Variants in PEG3 observed in about 807,000 individuals in gnomAD.
The protein encoded by PEG3 is paternally-expressed gene 3 protein.
Under a neutral mutation model 35.5 loss-of-function variants are expected in PEG3, and 23 were observed. The observed-to-expected ratio is 0.65, with a 90% confidence interval of 0.47 to 0.92. The LOEUF is 0.92. Ranked by LOEUF, PEG3 falls within the 40% of genes least tolerant of loss-of-function variation. The pLI is 0.00. For synonymous variants in PEG3, 707 were observed against 697.0 expected (o/e 1.01, Z -0.23); for missense variants, 1,960 against 1,985.3 (o/e 0.99, Z 0.24).
intron 2 of PEG3, among the ~76,000 whole-genome samples, chr19:56,828,910 T>C (rs933853550): frequency 2.0e-5 from 3 of 152,188 alleles, no homozygotes; most frequent in African/African-American, 7.2e-5. Flanking sequence ...AGCTAGCTGG[T>C]GCAGGCATGA....
intron 5 of PEG3, among the ~76,000 whole-genome samples, chr19:56,823,386 G>A (rs2060691645): frequency 6.6e-6 from 1 of 152,158 alleles, no homozygotes; most frequent in East Asian, 1.9e-4. Flanking sequence ...GAATAAAACG[G>A]TATTAAGTAT....
chr19:56,822,026 A>C (rs955750726), intron 6 of PEG3, among the ~76,000 whole-genome samples: 6 of 152,104 alleles, frequency 3.9e-5, no homozygotes, highest in African/African-American at 9.7e-5. Flanking sequence ...GTGTGGGTCC[A>C]GGTACAGTGT....
Position 56,813,505 on chromosome 19 carries a change from A to C in PEG3, c.*170T>G. 7.0e-7 allele frequency: 1 copy of C among 1,428,108 alleles called. No individual in the cohort carries two copies. 88.5% of individuals were successfully genotyped at this position (1,428,108 alleles called of 1,614,324 possible). A position where few individuals can be genotyped will look rare whatever the true frequency, so the allele number is the denominator to read the frequency against. On this transcript the variant is annotated 3_prime_UTR_variant, in exon 10 of 10. Transcript: ENST00000326441. ...TGAAGGGGAAAGCTTAAGACTGTGG[A>C]ATCTGCACATTCGGTCTCTTTTCAA...
rs1341905698 is a variant in PEG3, at chr19:56,821,728, G to A, written c.592C>T (p.Pro198Ser). 1 of 1,614,064 alleles carries A rather than the reference G, an allele frequency of 6.2e-7. No individual in the cohort carries two copies. Among genetic ancestry groups the A allele is most frequent in the Non-Finnish European group, 8.5e-7 (1 of 1,180,024 alleles). The change falls in exon 7 of 10, where the codon CCT (proline) becomes TCT (serine). Residue 198 changes from proline (P) to serine (S), a missense_variant. By Grantham distance (74) the Pro-to-Ser change is moderately conservative. Around this residue, in one of 5 missense-constraint regions of PEG3, gnomAD observed 613 missense variants for 577.1 expected, o/e 1.06. Transcript: ENST00000326441. Reference sequence around the variant, plus strand: ...TCAAAGCTTGTTTTCGCCACCACAGGAAGGGAAAGATCCCGCGGAGGCATC... The same window carrying A: ...TCAAAGCTTGTTTTCGCCACCACAGAAAGGGAAAGATCCCGCGGAGGCATC... ...SRMPPRDLSLPVVAKTSFEMD... is the reference protein window; with the variant it reads ...SRMPPRDLSLSVVAKTSFEMD...
rs747893977 is a variant in PEG3, at chr19:56,817,816, A to G, written c.792T>C (p.Asp264=). Residue 264 remains aspartate, a synonymous_variant, in exon 9 of 10, where the codon GAT becomes GAC. Transcript: ENST00000326441. ...GGCCCTGCGTCATGTGGGAGTGGCCATCGTCTTCAGCAAGCTGCACTCCTG... is the reference window on the plus strand; with the variant it reads ...GGCCCTGCGTCATGTGGGAGTGGCCGTCGTCTTCAGCAAGCTGCACTCCTG... The part of the protein sequence containing the change: ...LLSLVQLAED[D]GHSHMTQGHS... 1.2e-6 allele frequency: 2 copies of G among 1,614,036 alleles called. No homozygotes were observed. The highest frequency in any genetic ancestry group is 1.7e-6 in the Non-Finnish European group (2 of 1,179,998).
At chr19:56,821,563 C>T in intron 7 of PEG3, 88 bp downstream of exon 7, 1 of 1,510,794 alleles carries the variant, frequency 6.6e-7, no homozygotes, top group Non-Finnish European at 9.1e-7. Flanking sequence ...CTCTAGGGGG[C>T]AGATAAACAC....
chr19:56,835,973 A>C (rs749343969), intron 2 of PEG3, 45 bp downstream of exon 2: 1 of 498,656 alleles, frequency 2.0e-6, no homozygotes, highest in African/African-American at 1.9e-5. Flanking sequence ...TGCGGTGGTC[A>C]CTCCAAAGAT....
intron 2 of PEG3, among the ~76,000 whole-genome samples, chr19:56,827,710 A>T (rs1247943433): frequency 6.6e-6 from 1 of 152,214 alleles, no homozygotes; most frequent in African/African-American, 2.4e-5. Context: ...AATAGACAAG[A>T]TATGTTATGT....
Position 56,817,381 on chromosome 19 carries a change from A to C in PEG3, c.1061T>G (p.Leu354Trp). The C allele has an allele frequency of 6.2e-7, 1 of 1,613,984 alleles. No individual in the cohort carries two copies. The highest frequency in any genetic ancestry group is 8.5e-7 in the Non-Finnish European group (1 of 1,179,914). ...CTGGATCACTGACTCCCTCTTGTTC[A>C]ATGAAATGTCCTTCCAGTTATCATC... ...MSDDNWKDIS[L>W]NKRESVIQQR... Residue 354 changes from leucine to tryptophan, a missense_variant, in exon 10 of 10, where the codon TTG becomes TGG. Leu to Trp is a moderately conservative substitution (Grantham distance 61, BLOSUM62 -2). Transcript: ENST00000326441.
At position 56,815,360 on chromosome 19, in the gene PEG3, G is replaced by A. The variant is rs1391571872; in HGVS notation, c.3082C>T (p.Gln1028Ter). 1 of 1,614,202 alleles carries A rather than the reference G, an allele frequency of 6.2e-7. No homozygotes were observed. Among genetic ancestry groups the A allele is most frequent in the Non-Finnish European group, 8.5e-7 (1 of 1,180,018 alleles). ...AAGTCCTTACATTTGTTCCGCGCTT[G>A]CTCTTTAGCATACTGCTCTTGGGCG... ...SYAQEQYAKE[Q>*]ARNKCKDFRQ... Residue 1028 changes from glutamine to a stop codon, truncating the protein, a stop_gained, in exon 10 of 10, where the codon CAA becomes TAA. Transcript: ENST00000326441. LOFTEE classifies it low-confidence loss of function (END_TRUNC).
rs1568640322 is a variant in PEG3 at position 56,816,940 on chromosome 19, C to T, written c.1502G>A (p.Gly501Glu). The T allele has an allele frequency of 6.2e-7, 1 of 1,614,084 alleles. No homozygotes were observed. Among genetic ancestry groups the T allele is most frequent in the Admixed American group, 1.7e-5 (1 of 60,006 alleles). Residue 501 changes from glycine to glutamate, a missense_variant, in exon 10 of 10, where the codon GGA becomes GAA. This residue lies in a region of PEG3 where 798 missense variants were observed against 782.4 expected (regional missense o/e 1.02). Coordinates refer to ENST00000326441, the MANE Select transcript of PEG3 (RefSeq NM_006210.3). ...GTCCTTACATTCAAAACGTTTCCCT[C>T]CAACCTGACTTTTCTGAACTTCACT... ...AVSEVQKSQV[G>E]GKRFECKDCG...
intron 2 of PEG3, among the ~76,000 whole-genome samples, chr19:56,828,502 C>T (rs1389924629): frequency 6.6e-6 from 1 of 152,124 alleles, no homozygotes; most frequent in Non-Finnish European, 1.5e-5. Flanking sequence ...CAGCAGAGAA[C>T]AGGGACAGTC....
At chr19:56,838,453 C>T (rs971657180) in intron 1 of PEG3, among the ~76,000 whole-genome samples, 1 of 152,158 alleles carries the variant, frequency 6.6e-6, no homozygotes, top group Admixed American at 6.5e-5. Context: ...GGAACGGTCC[C>T]GGGCCCCAGC....
chr19:56,835,341 T>C (rs912916713), intron 2 of PEG3, among the ~76,000 whole-genome samples: 5 of 152,164 alleles, frequency 3.3e-5, no homozygotes, highest in African/African-American at 1.2e-4. Context: ...CTTACCTTCT[T>C]CCTACCTCAA....
chr19:56,822,669 C>G (rs767557448), intron 6 of PEG3, 84 bp downstream of exon 6: 7 of 1,544,744 alleles, frequency 4.5e-6, no homozygotes, highest in Admixed American at 1.9e-5. Flanking sequence ...GCAGAAACTT[C>G]GAGGCCCTGG....
chr19:56,814,082 C>A lies in PEG3; in HGVS notation c.4360G>T (p.Asp1454Tyr). The A allele has an allele frequency of 6.2e-7, 1 of 1,614,176 alleles. No individual in the cohort carries two copies. Among genetic ancestry groups the A allele is most frequent in the Non-Finnish European group, 8.5e-7 (1 of 1,180,042 alleles). Residue 1454 changes from aspartate to tyrosine, a missense_variant, in exon 10 of 10, where the codon GAT becomes TAT. Transcript: ENST00000326441. This position sits in a 1 kb window ranked among gnomAD's most constrained non-coding sequence, Gnocchi z 5.8. The stretch of plus-strand genomic sequence containing the variant: ...TCTGGGTCTTCAATACCTGCACCAT[C>A]TGGCTCATCAGCATCCCCATTTGGC... Reference protein sequence around the residue: ...EQPNGDADEPDGAGIEDPEER... With the variant: ...EQPNGDADEPYGAGIEDPEER...
chr19:56,831,908 T>C (rs1201835830), intron 2 of PEG3, among the ~76,000 whole-genome samples: 1 of 152,222 alleles, frequency 6.6e-6, no homozygotes, highest in Non-Finnish European at 1.5e-5. Context: ...CAATGGAATA[T>C]AATGCAGTTT....
At position 56,812,903 on chromosome 19, in the gene PEG3, A is replaced by G; in HGVS notation, c.*772T>C. The G allele has an allele frequency of 1.0e-6, 1 of 985,796 alleles. No homozygotes were observed. Among genetic ancestry groups the G allele is most frequent in the Non-Finnish European group, 1.2e-6 (1 of 829,914 alleles). 61.1% of individuals were successfully genotyped at this position (985,796 alleles called of 1,614,324 possible). A position where few individuals can be genotyped will look rare whatever the true frequency, so the allele number is the denominator to read the frequency against. ...CAAACATAACATGTGGCAACCAATC[A>G]ATCTGGGTCACAAAAAGCCAATCCG... On this transcript the variant is annotated 3_prime_UTR_variant, in exon 10 of 10. Transcript: ENST00000326441.
chr19:56,810,551 A>G lies in PEG3; in HGVS notation c.*3124T>C, dbSNP rs554482612. 2.8e-5 allele frequency: 27 copies of G among 965,772 alleles called. No homozygotes were observed. The South Asian group carries it at 8.6e-4, about 31-fold the overall frequency. The allele number at this position is 965,772 out of a possible 1,614,324, so 59.8% of individuals were successfully genotyped here. A position where few individuals can be genotyped will look rare whatever the true frequency, so the allele number is the denominator to read the frequency against. On this transcript the variant is annotated 3_prime_UTR_variant, in exon 10 of 10. Transcript: ENST00000326441. Reference sequence around the variant, plus strand: ...GTGAATTTTCTTTACTGAATTTCCAAAGTTTTGTATGAGTATGTATTATAT... The same window carrying G: ...GTGAATTTTCTTTACTGAATTTCCAGAGTTTTGTATGAGTATGTATTATAT...
Sources: gnomAD v4.1 joint callset for allele counts (sites outside exome capture counted in the v4.1 genomes callset) on GRCh38, gnomAD v4.1.1 for gene constraint, gnomAD v4.1.1 regional missense constraint, Gnocchi (gnomAD v3.1) non-coding constraint, MANE v1.5 for transcripts, NCBI Gene and HGNC (gene_info 2026-07-23, HGNC 2026-07-21) for gene names.